The following LSAMP variants were observed in gnomAD, a reference collection of about 807,000 sequenced individuals.
LSAMP encodes the protein limbic system-associated membrane protein.
A neutral mutation model predicts 38.6 loss-of-function variants in LSAMP; 7 were observed. The observed-to-expected ratio is 0.18, with a 90% confidence interval of 0.10 to 0.34. The LOEUF (loss-of-function observed/expected upper bound fraction) is 0.34, where lower values mean the gene tolerates loss of function less well. Ranked by LOEUF, LSAMP falls within the 10% of genes least tolerant of loss-of-function variation. LSAMP has a pLI of 1.00. For missense variants in LSAMP, 313 were observed against 420.0 expected (o/e 0.75, Z 2.23); for synonymous variants, 154 against 166.8 (o/e 0.92, Z 0.59).
chr3:115,919,073 C>A (rs548754012), intron 3 of LSAMP, among the ~76,000 whole-genome samples: 5 of 152,288 alleles, frequency 3.3e-5, no homozygotes, highest in Middle Eastern at 3.4e-3. Context: ...TGATGCTTCT[C>A]TACTTCCTGT....
chr3:116,257,464 AT>A (rs1248291272), intron 1 of LSAMP, among the ~76,000 whole-genome samples: 3 of 152,166 alleles, frequency 2.0e-5, no homozygotes, highest in African/African-American at 4.8e-5. Flanking sequence ...ACAAGATTCA[AT>A]TTGTAAGAAG....
intron 1 of LSAMP, among the ~76,000 whole-genome samples, chr3:116,255,477 C>T (rs1197473363): frequency 6.6e-6 from 1 of 151,488 alleles, no homozygotes; most frequent in Non-Finnish European, 1.5e-5. Context: ...TTTTCAACAG[C>T]CATTTTGAAA....
intron 2 of LSAMP, among the ~76,000 whole-genome samples, chr3:116,051,841 G>A (rs1043348684): frequency 4.6e-5 from 7 of 151,944 alleles, no homozygotes; most frequent in Non-Finnish European, 8.8e-5. Context: ...CTGGGGAGGG[G>A]GTGATTTAAT....
At chr3:116,096,338 G>C (rs562537774) in intron 1 of LSAMP, among the ~76,000 whole-genome samples, 48 of 152,110 alleles carry the variant, frequency 3.2e-4, no homozygotes, top group South Asian at 6.2e-4. Context: ...ACCCATTTTT[G>C]GGATCAATCC....
chr3:115,816,362 G>A (rs1016365899), intron 6 of LSAMP, among the ~76,000 whole-genome samples: 7 of 152,156 alleles, frequency 4.6e-5, no homozygotes, highest in Admixed American at 2.6e-4. Context: ...AGGGAGCAGC[G>A]CAAAGCATAA....
At chr3:116,016,686 A>G (rs542569612) in intron 3 of LSAMP, among the ~76,000 whole-genome samples, 4 of 152,320 alleles carry the variant, frequency 2.6e-5, no homozygotes, top group Admixed American at 2.6e-4. Context: ...AAAAGCAACC[A>G]TAGAGAATTT....
At chr3:116,276,564 A>G (rs577274335) in intron 1 of LSAMP, among the ~76,000 whole-genome samples, 1 of 151,976 alleles carries the variant, frequency 6.6e-6, no homozygotes, top group Non-Finnish European at 1.5e-5. Context: ...GGCTGCAAAC[A>G]GGGTGCAGCA....
At chr3:116,190,126 CACAT>C (rs1394845542) in intron 1 of LSAMP, among the ~76,000 whole-genome samples, 1 of 151,452 alleles carries the variant, frequency 6.6e-6, no homozygotes, top group Admixed American at 6.6e-5. Flanking sequence ...CACACACACA[CACAT>C]GCATTAAGAA....
chr3:115,951,700 T>C (rs1938294899), intron 3 of LSAMP, among the ~76,000 whole-genome samples: 2 of 152,162 alleles, frequency 1.3e-5, no homozygotes, highest in South Asian at 4.1e-4. Flanking sequence ...TTTTCTCCTG[T>C]GCTGCATGCT....
chr3:115,858,659 CACAA>C (rs1374396099), intron 3 of LSAMP, among the ~76,000 whole-genome samples: 1 of 152,070 alleles, frequency 6.6e-6, no homozygotes, highest in Admixed American at 6.6e-5. Flanking sequence ...TAGCTATAAA[CACAA>C]ACATACATAC....
chr3:116,313,345 T>C (rs901151971), intron 1 of LSAMP, among the ~76,000 whole-genome samples: 1 of 152,172 alleles, frequency 6.6e-6, no homozygotes, highest in Admixed American at 6.5e-5. Flanking sequence ...GTAACTCACA[T>C]TAGCAATACA....
At chr3:115,834,619 T>G in intron 6 of LSAMP, 1 of 1,206,210 alleles carries the variant, frequency 8.3e-7, no homozygotes, top group Non-Finnish European at 1.1e-6. Flanking sequence ...AAAATAGTAA[T>G]CATCATGGAG....
At chr3:115,815,336 C>T (rs1235843865) in intron 6 of LSAMP, among the ~76,000 whole-genome samples, 2 of 152,132 alleles carry the variant, frequency 1.3e-5, no homozygotes, top group African/African-American at 4.8e-5. Context: ...CAGGCATCCA[C>T]TGGGGTCCTG....
At chr3:116,090,758 GT>G (rs1708104397) in intron 1 of LSAMP, among the ~76,000 whole-genome samples, 3 of 152,130 alleles carry the variant, frequency 2.0e-5, no homozygotes, top group Non-Finnish European at 4.4e-5. Context: ...AAACCAGCAA[GT>G]TTTTATTAGG....
intron 1 of LSAMP, among the ~76,000 whole-genome samples, chr3:116,350,350 GTCC>G (rs1198383511): frequency 1.3e-5 from 2 of 152,050 alleles, no homozygotes; most frequent in African/African-American, 4.8e-5. Flanking sequence ...CCATATGACT[GTCC>G]TCCTTTATCT....
chr3:116,383,043 T>C (rs1476866539), intron 1 of LSAMP, among the ~76,000 whole-genome samples: 8 of 152,170 alleles, frequency 5.3e-5, no homozygotes, highest in Admixed American at 3.9e-4. Context: ...TAGGATGTTG[T>C]AAACTGAGAT....
chr3:116,138,266 A>T (rs1008737700), intron 1 of LSAMP, among the ~76,000 whole-genome samples: 2 of 152,130 alleles, frequency 1.3e-5, no homozygotes, highest in African/African-American at 4.8e-5. Flanking sequence ...TTGAGCTCCT[A>T]TTCTACACAA....
At chr3:115,952,369 T>C (rs544552143) in intron 3 of LSAMP, among the ~76,000 whole-genome samples, 20 of 152,276 alleles carry the variant, frequency 1.3e-4, no homozygotes, top group South Asian at 1.0e-3. Context: ...ACAAACACCA[T>C]GGAATACAAC....
At chr3:116,056,273 G>C (rs1186616250) in intron 2 of LSAMP, among the ~76,000 whole-genome samples, 1 of 152,070 alleles carries the variant, frequency 6.6e-6, no homozygotes, top group Non-Finnish European at 1.5e-5. Context: ...CTGCTTTCCT[G>C]AACTATTGTC....
Sources: allele counts gnomAD v4.1 joint callset (sites outside exome capture counted in the v4.1 genomes callset), GRCh38; gene constraint gnomAD v4.1.1; transcripts MANE v1.5; gene names NCBI Gene and HGNC (gene_info 2026-07-23, HGNC 2026-07-21).